The following RYR3 variants were observed in gnomAD, a reference collection of about 807,000 sequenced individuals.
The protein encoded by RYR3 is brain ryanodine receptor-calcium release channel.
Under a neutral mutation model 584.3 loss-of-function variants are expected in RYR3, and 207 were observed. That is an observed-to-expected ratio of 0.35 (90% confidence interval 0.32 to 0.40). RYR3 has a LOEUF of 0.40. Among genes scored for constraint, RYR3 ranks in the 10% least tolerant of loss-of-function variants. The probability of loss-of-function intolerance (pLI) is 1.00; values close to 1 mark genes in which losing one functional copy is unlikely to be tolerated. For missense variants in RYR3, 5,616 were observed against 6,089.2 expected (o/e 0.92, Z 2.59); for synonymous variants, 2,416 against 2,248.5 (o/e 1.07, Z -2.11).
intron 60 of RYR3, among the ~76,000 whole-genome samples, chr15:33,760,817 C>G (rs1596471500): frequency 6.6e-6 from 1 of 152,164 alleles, no homozygotes; most frequent in African/African-American, 2.4e-5. Context: ...GCACCACATG[C>G]ACCTATTCTA....
Position 33,342,150 on chromosome 15 carries a change from C to T in RYR3, c.51+31054C>T, listed in dbSNP as rs148721012. Among the ~76,000 whole-genome samples the T allele has an allele frequency of 5.9e-5, 9 of 152,264 alleles. No individual in the cohort carries two copies. In the East Asian group the frequency reaches 1.5e-3, roughly 26 times the overall value. ...GTCCTGCCCCCACAGCTGTAGTGGG[C>T]GTATTACTTCGGCACTTAGGAAGGT... On this transcript the variant is annotated intron_variant, in intron 1 of 103. Transcript: ENST00000634891.
chr15:33,355,634 T>C (rs949162721), intron 1 of RYR3, among the ~76,000 whole-genome samples: 4 of 152,240 alleles, frequency 2.6e-5, no homozygotes, highest in African/African-American at 9.6e-5. Flanking sequence ...AAAGAGCCTT[T>C]AATCTAGTCA....
At position 33,560,451 on chromosome 15, in the gene RYR3, A is replaced by ATTTT. The variant is rs3838862; in HGVS notation, c.973-2379_973-2376dup. ...TAATTCCAGAAAAACAGATCTTTGT[A>ATTTT]TTTTTTTTTTGCAAAGCCATGTTTA... On this transcript the variant is annotated intron_variant, in intron 10 of 103. Coordinates refer to ENST00000634891, the MANE Select transcript of RYR3 (RefSeq NM_001036.6). Among the ~76,000 whole-genome samples the ATTTT allele has an allele frequency of 5.3e-3, 803 of 150,924 alleles. 7 individuals are homozygous for ATTTT. Among genetic ancestry groups the ATTTT allele is most frequent in the African/African-American group, 0.013 (528 of 41,240 alleles).
chr15:33,865,426 T>C lies in RYR3; in HGVS notation c.*200T>C. The C allele has an allele frequency of 2.0e-6, 1 of 511,920 alleles. No homozygotes were observed. Among genetic ancestry groups the C allele is most frequent in the Non-Finnish European group, 3.5e-6 (1 of 289,094 alleles). The allele number at this position is 511,920 out of a possible 1,614,324, so 31.7% of individuals were successfully genotyped here. A position where few individuals can be genotyped will look rare whatever the true frequency, so the allele number is the denominator to read the frequency against. On this transcript the variant is annotated 3_prime_UTR_variant, in exon 104 of 104. Coordinates refer to ENST00000634891, the MANE Select transcript of RYR3 (RefSeq NM_001036.6). Reference sequence around the variant, plus strand: ...TGGACATACACTGTGGGAGAGAACCTGTCAAAATGTCGAAGAAGGAAGGCG... The same window carrying C: ...TGGACATACACTGTGGGAGAGAACCCGTCAAAATGTCGAAGAAGGAAGGCG...
At chr15:33,396,605 G>T (rs1183221706) in intron 1 of RYR3, among the ~76,000 whole-genome samples, 2 of 152,180 alleles carry the variant, frequency 1.3e-5, no homozygotes, top group Non-Finnish European at 2.9e-5. Flanking sequence ...TGCTTTCAGT[G>T]GCAAAAACTG....
intron 89 of RYR3, among the ~76,000 whole-genome samples, chr15:33,839,419 T>C (rs932142409): frequency 6.6e-5 from 10 of 152,198 alleles, no homozygotes; most frequent in Non-Finnish European, 1.5e-4. Context: ...ATTTTTATCC[T>C]TGTGATACAC....
At chr15:33,698,123 C>A in intron 40 of RYR3, 127 bp downstream of exon 40, 1 of 686,060 alleles carries the variant, frequency 1.5e-6, no homozygotes, top group Non-Finnish European at 2.7e-6. Flanking sequence ...AAGGGATAGG[C>A]ACAGTGCCAA....
intron 1 of RYR3, among the ~76,000 whole-genome samples, chr15:33,386,408 C>T (rs532806429): frequency 2.3e-4 from 35 of 152,260 alleles, no homozygotes; most frequent in African/African-American, 5.8e-4. Context: ...ATTACTTTCG[C>T]GTCAAAAATT....
intron 18 of RYR3, among the ~76,000 whole-genome samples, chr15:33,607,636 A>G (rs1206701932): frequency 6.6e-6 from 1 of 152,224 alleles, no homozygotes; most frequent in Admixed American, 6.5e-5. Context: ...CATGTTTTTC[A>G]GTACTGTCTT....
rs1185854601 is a variant in RYR3 at position 33,696,457 on chromosome 15, A to G, written c.6100A>G (p.Lys2034Glu). 3.7e-6 allele frequency: 6 copies of G among 1,613,876 alleles called. No homozygotes were observed. Among genetic ancestry groups the G allele is most frequent in the Non-Finnish European group, 5.1e-6 (6 of 1,179,906 alleles). Residue 2034 changes from lysine to glutamate, a missense_variant, in exon 39 of 104, where the codon AAG (lysine) becomes GAG (glutamate). Transcript: ENST00000634891. ...IRSLLSVRMG[K>E]EEELLMINGL... ...CTCCCTCCTCAGTGTCAGGATGGGC[A>G]AGGAAGAGGAGTTGCTCATGATCAA... is the stretch of plus-strand genomic sequence containing the variant.
intron 74 of RYR3, among the ~76,000 whole-genome samples, chr15:33,815,021 G>C (rs540365907): frequency 6.6e-6 from 1 of 150,872 alleles, no homozygotes; most frequent in African/African-American, 2.4e-5. Context: ...AGTGAACAGA[G>C]GTAACACCAC....
chr15:33,366,153 C>T (rs1046872511), intron 1 of RYR3, among the ~76,000 whole-genome samples: 10 of 137,008 alleles, frequency 7.3e-5, no homozygotes, highest in African/African-American at 2.6e-4. Flanking sequence ...TCTCCTGTTT[C>T]TGCAGCACCT....
intron 38 of RYR3, among the ~76,000 whole-genome samples, chr15:33,673,622 T>C (rs916253994): frequency 6.6e-6 from 1 of 152,238 alleles, no homozygotes; most frequent in Admixed American, 6.5e-5. Context: ...TTAAGCAGCA[T>C]TTCCTTCAAT....
At chr15:33,414,218 G>C (rs1414143944) in intron 1 of RYR3, among the ~76,000 whole-genome samples, 1 of 152,102 alleles carries the variant, frequency 6.6e-6, no homozygotes, top group Admixed American at 6.5e-5. Flanking sequence ...AAAAATATTA[G>C]AAAAGAGAAT....
At chr15:33,436,842 A>C (rs1303961186) in intron 1 of RYR3, among the ~76,000 whole-genome samples, 3 of 152,178 alleles carry the variant, frequency 2.0e-5, no homozygotes, top group Non-Finnish European at 4.4e-5. Flanking sequence ...TTGATGTATT[A>C]GCCTTTAAGT....
At chr15:33,563,096 A>G in intron 11 of RYR3, 86 bp downstream of exon 11, 1 of 1,079,388 alleles carries the variant, frequency 9.3e-7, no homozygotes, top group Non-Finnish European at 1.4e-6. Flanking sequence ...AACCAGGTGG[A>G]CATGATTGTG....
In RYR3 at chr15:33,838,714, A is replaced by G; in HGVS notation, c.12734A>G (p.Asp4245Gly). 1 of 1,613,952 alleles carries G rather than the reference A, an allele frequency of 6.2e-7. No homozygotes were observed. Among genetic ancestry groups the G allele is most frequent in the Non-Finnish European group, 8.5e-7 (1 of 1,179,890 alleles). Residue 4245 changes from aspartate to glycine, a missense_variant, in exon 89 of 104, where the codon GAT becomes GGT. Asp to Gly is a moderately conservative substitution (Grantham distance 94). Transcript: ENST00000634891. Reference protein sequence around the residue: ...MPDPTQFGIHDDTMEAERAEV... With the variant: ...MPDPTQFGIHGDTMEAERAEV... The stretch of plus-strand genomic sequence containing the variant: ...GACCCAACCCAATTTGGTATCCATG[A>G]TGACACTATGGAGGCTGAGAGGGCA...
chr15:33,449,219 G>A (rs1016301168), intron 1 of RYR3, among the ~76,000 whole-genome samples: 1 of 152,130 alleles, frequency 6.6e-6, no homozygotes, highest in African/African-American at 2.4e-5. Context: ...TTAGTGCTCC[G>A]CTGGGGGAGG....
rs192408407 is a variant in RYR3 at position 33,647,913 on chromosome 15, T to C, written c.3978+453T>C. On this transcript the variant is annotated intron_variant, in intron 30 of 103. Transcript: ENST00000634891. ...AGCCATCGCAGAAGATGGAAGCTAC[T>C]TTTGGTCCCTAGACAGTAGTCAGAA... Among the ~76,000 whole-genome samples the C allele has an allele frequency of 2.3e-4, 34 of 150,866 alleles. 1 individual carries two copies. Among genetic ancestry groups the C allele is most frequent in the Admixed American group, 1.3e-3 (20 of 14,990 alleles).
Sources: allele counts gnomAD v4.1 joint callset (sites outside exome capture counted in the v4.1 genomes callset), GRCh38; gene constraint gnomAD v4.1.1; transcripts MANE v1.5; gene names NCBI Gene and HGNC (gene_info 2026-07-23, HGNC 2026-07-21).